TSFM: variants seen among roughly 807,000 people sequenced by gnomAD.
TSFM encodes Ts translation elongation factor, mitochondrial.
Under a neutral mutation model 33.4 loss-of-function variants are expected in TSFM, and 29 were observed. The ratio of observed to expected loss-of-function variants is 0.87; its 90% CI spans 0.65 to 1.18. TSFM has a LOEUF of 1.18. Ranked by LOEUF, TSFM falls within the 50% of genes most tolerant of loss-of-function variation. The pLI, the probability that TSFM is intolerant of heterozygous loss-of-function variation, is 0.00. For missense variants in TSFM, 394 were observed against 395.6 expected (o/e 1.00, Z 0.04); for synonymous variants, 178 against 163.5 (o/e 1.09, Z -0.68).
downstream of TSFM, chr12:57,799,756 G>C (rs1387644202): frequency 1.2e-6 from 2 of 1,611,596 alleles, no homozygotes; most frequent in Non-Finnish European, 1.7e-6. Flanking sequence ...CTCACGGAGA[G>C]CTCCACTTCC....
chr12:57,802,587 C>T, downstream of TSFM: 1 of 709,812 alleles, frequency 1.4e-6, no homozygotes, highest in South Asian at 1.5e-5. Flanking sequence ...TGTCTCTGAA[C>T]TTCAGCTTCC....
downstream of TSFM, chr12:57,802,215 A>C (rs766772582): frequency 4.3e-6 from 7 of 1,613,984 alleles, no homozygotes; most frequent in Non-Finnish European, 5.9e-6. Flanking sequence ...GGGAGGCTCA[A>C]ACCCCTGCTT....
downstream of TSFM, among the ~76,000 whole-genome samples, chr12:57,798,760 G>A (rs1209949042): frequency 6.6e-6 from 1 of 151,800 alleles, no homozygotes; most frequent in African/African-American, 2.4e-5. Flanking sequence ...GGGACTACAG[G>A]CACCCACCAC....
intron 4 of TSFM, among the ~76,000 whole-genome samples, chr12:57,789,568 G>A (rs559997346): frequency 6.6e-6 from 1 of 151,854 alleles, no homozygotes; most frequent in South Asian, 2.1e-4. Flanking sequence ...GTTTTGCCAT[G>A]TTGGTCAGGC....
intron 4 of TSFM, among the ~76,000 whole-genome samples, chr12:57,791,631 C>A (rs1390555836): frequency 6.6e-6 from 1 of 152,168 alleles, no homozygotes; most frequent in East Asian, 1.9e-4. Flanking sequence ...TCATGAAGGT[C>A]ATCCTTTTTA....
chr12:57,799,806 C>T (rs532189662), downstream of TSFM: 74 of 1,613,902 alleles, frequency 4.6e-5, no homozygotes, highest in South Asian at 7.9e-4. Flanking sequence ...TCCTTTTTGG[C>T]AGGGTTTACA....
chr12:57,789,825 C>A (rs534816699), intron 4 of TSFM, among the ~76,000 whole-genome samples: 1 of 152,138 alleles, frequency 6.6e-6, no homozygotes, highest in African/African-American at 2.4e-5. Flanking sequence ...AAATTATCTG[C>A]GGATTTGATC....
chr12:57,801,721 C>T (rs1955852177), downstream of TSFM, among the ~76,000 whole-genome samples: 1 of 151,762 alleles, frequency 6.6e-6, no homozygotes, highest in Admixed American at 6.6e-5. Flanking sequence ...GCCTGGACAA[C>T]AAGAGCGAAA....
In TSFM at chr12:57,796,881, T is replaced by A. The variant is rs1289747202; in HGVS notation, c.*298T>A. On this transcript the variant is annotated 3_prime_UTR_variant, in exon 6 of 6. Transcript: ENST00000652027. Reference sequence around the variant, plus strand: ...TGGTATTTCTGAAATTTCTAACTTATATGTTCTGTCTTACACCTTTTATGA... The same window carrying A: ...TGGTATTTCTGAAATTTCTAACTTAAATGTTCTGTCTTACACCTTTTATGA... 4.8e-6 allele frequency: 5 copies of A among 1,044,046 alleles called. No homozygotes were observed. The highest frequency in any genetic ancestry group is 4.5e-4 in the Middle Eastern group (1 of 2,240). The allele number at this position is 1,044,046 out of a possible 1,614,324, so 64.7% of individuals were successfully genotyped here.
At chr12:57,790,744 A>G (rs1388573127) in intron 4 of TSFM, among the ~76,000 whole-genome samples, 3 of 146,230 alleles carry the variant, frequency 2.1e-5, no homozygotes, top group African/African-American at 7.5e-5. Flanking sequence ...ATTTATTTTC[A>G]CCCCAAGTAT....
At chr12:57,784,916 C>CTTTTTT (rs1164168295) in intron 2 of TSFM, among the ~76,000 whole-genome samples, 5 of 79,142 alleles carry the variant, frequency 6.3e-5, no homozygotes, top group South Asian at 5.9e-4. Context: ...ATTGAAATAT[C>CTTTTTT]TTTTTTTTTT....
chr12:57,783,363 A>T, intron 2 of TSFM, 80 bp downstream of exon 2: 1 of 1,530,066 alleles, frequency 6.5e-7, no homozygotes, highest in Non-Finnish European at 9.0e-7. Context: ...GGGAGCATAA[A>T]GTTAGACTGC....
intron 2 of TSFM, chr12:57,783,530 T>TCA: frequency 1.5e-6 from 1 of 675,682 alleles, no homozygotes. Context: ...AAAGGGTTTG[T>TCA]GTGAGCTTTG....
chr12:57,790,761 ATTTAATTTTAT>A (rs1392248192), intron 4 of TSFM, among the ~76,000 whole-genome samples: 2 of 148,660 alleles, frequency 1.3e-5, no homozygotes, highest in South Asian at 2.1e-4. Flanking sequence ...GTATGTGTTG[ATTTAATTTTAT>A]TTTAATTTTA....
chr12:57,787,911 G>A (rs577075351), intron 4 of TSFM, among the ~76,000 whole-genome samples: 1 of 151,050 alleles, frequency 6.6e-6, no homozygotes, highest in Admixed American at 6.6e-5. Flanking sequence ...GCAAAACTCC[G>A]TCTCAGAAAA....
downstream of TSFM, among the ~76,000 whole-genome samples, chr12:57,799,037 A>G (rs771024576): frequency 1.8e-4 from 27 of 152,228 alleles, no homozygotes; most frequent in African/African-American, 5.8e-4. Flanking sequence ...GAGCAAGACA[A>G]ACAAAGGTCC....
chr12:57,795,286 G>C (rs1402616557), intron 5 of TSFM, among the ~76,000 whole-genome samples: 2 of 151,304 alleles, frequency 1.3e-5, no homozygotes, highest in African/African-American at 4.9e-5. Context: ...TTTTAGTAGA[G>C]ACGGGGTTTC....
intron 3 of TSFM, 35 bp downstream of exon 3, chr12:57,786,326 C>T: frequency 1.2e-6 from 2 of 1,600,226 alleles, no homozygotes; most frequent in South Asian, 1.1e-5. Context: ...CCAAGAACAG[C>T]TGTCCCTTGG....
intron 3 of TSFM, among the ~76,000 whole-genome samples, chr12:57,786,798 C>T (rs1236152448): frequency 6.6e-6 from 1 of 152,182 alleles, no homozygotes; most frequent in Non-Finnish European, 1.5e-5. Context: ...GTGAGTCCTT[C>T]AGGACATTAT....
Sources: allele counts gnomAD v4.1 joint callset (sites outside exome capture counted in the v4.1 genomes callset), GRCh38; gene constraint gnomAD v4.1.1; transcripts MANE v1.5; gene names NCBI Gene and HGNC (gene_info 2026-07-23, HGNC 2026-07-21).